DOK6: variants seen among roughly 807,000 people sequenced by gnomAD.
The protein encoded by DOK6 is docking protein 6.
Under a neutral mutation model 44.0 loss-of-function variants are expected in DOK6, and 22 were observed. The ratio of observed to expected loss-of-function variants is 0.50; its 90% CI spans 0.36 to 0.71. The LOEUF is 0.71. Ranked by LOEUF, DOK6 falls within the 30% of genes least tolerant of loss-of-function variation. The pLI is 0.00. For synonymous variants in DOK6, 166 were observed against 145.5 expected (o/e 1.14, Z -1.01); for missense variants, 340 against 416.4 (o/e 0.82, Z 1.60).
chr18:69,623,178 C>T (rs751519164), intron 3 of DOK6, among the ~76,000 whole-genome samples: 2 of 152,112 alleles, frequency 1.3e-5, no homozygotes, highest in Admixed American at 6.5e-5. Flanking sequence ...TATATGCCAG[C>T]TTCCCCTTCA....
At chr18:69,589,038 G>A (rs1293134077) in intron 2 of DOK6, among the ~76,000 whole-genome samples, 1 of 151,906 alleles carries the variant, frequency 6.6e-6, no homozygotes, top group Admixed American at 6.6e-5. Context: ...GCAACAGGAG[G>A]CAAATATAAG....
chr18:69,433,680 AAAAC>A (rs771479360), intron 1 of DOK6, among the ~76,000 whole-genome samples: 19 of 152,132 alleles, frequency 1.2e-4, no homozygotes, highest in Non-Finnish European at 2.2e-4. Context: ...AAAAAAAACA[AAAAC>A]AAAAAACAAA....
chr18:69,708,397 A>C (rs905308263), intron 5 of DOK6, among the ~76,000 whole-genome samples: 1 of 152,122 alleles, frequency 6.6e-6, no homozygotes, highest in Non-Finnish European at 1.5e-5. Context: ...TATTCTGTTA[A>C]CCTTTCCAAG....
chr18:69,653,574 G>A (rs911202997), intron 3 of DOK6, among the ~76,000 whole-genome samples: 1 of 152,166 alleles, frequency 6.6e-6, no homozygotes, highest in African/African-American at 2.4e-5. Context: ...AGGGACTTCT[G>A]TAAATATCCC....
chr18:69,573,371 G>T (rs1034957417), intron 2 of DOK6, among the ~76,000 whole-genome samples: 1 of 151,892 alleles, frequency 6.6e-6, no homozygotes, highest in Admixed American at 6.6e-5. Flanking sequence ...GCTCCCTGAA[G>T]CTCTTTTGTA....
At chr18:69,512,674 G>A (rs946384142) in intron 1 of DOK6, among the ~76,000 whole-genome samples, 1 of 151,994 alleles carries the variant, frequency 6.6e-6, no homozygotes, top group African/African-American at 2.4e-5. Flanking sequence ...GCAAGAAACA[G>A]TTCGTTTTTA....
Position 69,658,664 on chromosome 18 carries a change from C to G in DOK6, c.290-19070C>G, listed in dbSNP as rs116212262. On this transcript the variant is annotated intron_variant, in intron 3 of 7. Transcript: ENST00000382713. ...CTACTTATATCTGCCAGTAGCAGTT[C>G]GCTGTATTTCTCTATTTATTTCATA... Among the ~76,000 whole-genome samples the G allele has an allele frequency of 5.9e-3, 899 of 152,224 alleles. 10 individuals are homozygous for G. Among genetic ancestry groups the G allele is most frequent in the African/African-American group, 0.013 (545 of 41,550 alleles).
intron 7 of DOK6, among the ~76,000 whole-genome samples, chr18:69,820,479 T>C (rs1981537047): frequency 6.6e-6 from 1 of 152,166 alleles, no homozygotes; most frequent in African/African-American, 2.4e-5. Context: ...GTGCGTAGAT[T>C]ACTACTAAGA....
At chr18:69,405,238 T>C (rs1916180336) in intron 1 of DOK6, among the ~76,000 whole-genome samples, 1 of 152,238 alleles carries the variant, frequency 6.6e-6, no homozygotes, top group Non-Finnish European at 1.5e-5. Context: ...TGAGTTTTCC[T>C]TTCCTCTCTC....
intron 1 of DOK6, among the ~76,000 whole-genome samples, chr18:69,402,128 G>T (rs1410371327): frequency 6.6e-6 from 1 of 152,122 alleles, no homozygotes; most frequent in African/African-American, 2.4e-5. Context: ...CGAGAGAGAG[G>T]ATGGAGGGAT....
chr18:69,456,691 G>C (rs1431148492), intron 1 of DOK6, among the ~76,000 whole-genome samples: 1 of 152,158 alleles, frequency 6.6e-6, no homozygotes, highest in Non-Finnish European at 1.5e-5. Context: ...GGGTCAAATG[G>C]TAGCTCCATT....
In DOK6 at chr18:69,755,004, AAAGATCCC is replaced by A. The variant is rs537714968; in HGVS notation, c.739-2747_739-2740del. ...GGGGGACTAGATTTGTATCCCTGGCAAAGATCCCAAGAAAATCCATGATCAATTTTTTA... is the reference window on the plus strand; with the variant it reads ...GGGGGACTAGATTTGTATCCCTGGCAAAGAAAATCCATGATCAATTTTTTA... On this transcript the variant is annotated intron_variant, in intron 6 of 7. Transcript: ENST00000382713. Among the ~76,000 whole-genome samples the A allele has an allele frequency of 2.6e-3, 398 of 152,320 alleles. 4 individuals carry two copies. The highest frequency in any genetic ancestry group is 9.3e-3 in the African/African-American group (386 of 41,586).
At chr18:69,480,950 G>T (rs1463683029) in intron 1 of DOK6, among the ~76,000 whole-genome samples, 1 of 152,160 alleles carries the variant, frequency 6.6e-6, no homozygotes, top group Non-Finnish European at 1.5e-5. Context: ...TGGATGGCCA[G>T]AGAAGCCCAA....
At chr18:69,812,736 G>A (rs1308310248) in intron 7 of DOK6, among the ~76,000 whole-genome samples, 4 of 152,130 alleles carry the variant, frequency 2.6e-5, no homozygotes, top group Non-Finnish European at 5.9e-5. Flanking sequence ...TGCATGGCTA[G>A]AGAGGCCTCA....
intron 5 of DOK6, among the ~76,000 whole-genome samples, chr18:69,714,358 G>A (rs1986835418): frequency 6.6e-6 from 1 of 152,294 alleles, no homozygotes; most frequent in African/African-American, 2.4e-5. Context: ...GCGGGGCCCT[G>A]GGAGCTGCCT....
intron 1 of DOK6, among the ~76,000 whole-genome samples, chr18:69,439,474 C>T (rs979498117): frequency 6.6e-6 from 1 of 152,230 alleles, no homozygotes; most frequent in Admixed American, 6.5e-5. Flanking sequence ...CAGCAGAAGG[C>T]TGTTTTATCT....
intron 5 of DOK6, among the ~76,000 whole-genome samples, chr18:69,724,454 G>T (rs749843365): frequency 1.3e-5 from 2 of 152,064 alleles, no homozygotes; most frequent in Non-Finnish European, 2.9e-5. Flanking sequence ...ATCCATGATA[G>T]GTATTTACAA....
rs371871280 is a variant in DOK6 at position 69,725,730 on chromosome 18, G to A, written c.600-13235G>A. On this transcript the variant is annotated intron_variant, in intron 5 of 7. Coordinates refer to ENST00000382713, the MANE Select transcript of DOK6 (RefSeq NM_152721.6). The stretch of plus-strand genomic sequence containing the variant: ...CTCGAACTCCTGACCTCAGGTAATC[G>A]CCCACCTTGGCCTCCCAAAGTGCCG... 1.7e-4 allele frequency among the ~76,000 whole-genome samples: 26 copies of A among 152,098 alleles called. No individual in the cohort carries two copies. The East Asian group carries it at 2.5e-3, about 15-fold the overall frequency.
At chr18:69,831,732 T>G (rs1181332331) in intron 7 of DOK6, among the ~76,000 whole-genome samples, 3 of 152,164 alleles carry the variant, frequency 2.0e-5, no homozygotes, top group Admixed American at 1.3e-4. Context: ...TCAGAAGCAC[T>G]CTAGGAGAGC....
Sources: gnomAD v4.1 joint callset for allele counts (sites outside exome capture counted in the v4.1 genomes callset) on GRCh38, gnomAD v4.1.1 for gene constraint, MANE v1.5 for transcripts, NCBI Gene and HGNC (gene_info 2026-07-23, HGNC 2026-07-21) for gene names.